Variants in RUFY1 observed in about 807,000 individuals in gnomAD.
RUFY1 encodes the protein RUN and FYVE domain-containing protein 1.
A neutral mutation model predicts 94.6 loss-of-function variants in RUFY1; 54 were observed. The ratio of observed to expected loss-of-function variants is 0.57; its 90% CI spans 0.46 to 0.72. The LOEUF (loss-of-function observed/expected upper bound fraction) is 0.72, where lower values mean the gene tolerates loss of function less well. Among genes scored for constraint, RUFY1 ranks in the 30% least tolerant of loss-of-function variants. The pLI is 0.00. For synonymous variants in RUFY1, 396 were observed against 347.3 expected, an observed-to-expected ratio of 1.14 and a Z score of -1.56; for missense variants, 883 against 883.9, an observed-to-expected ratio of 1.00 and a Z score of 0.01.
chr5:179,563,503 A>T (rs1479437442), intron 3 of RUFY1, among the ~76,000 whole-genome samples: 2 of 152,206 alleles, frequency 1.3e-5, no homozygotes, highest in African/African-American at 4.8e-5. Flanking sequence ...AAGAGGACAC[A>T]GGTCTGTTAT....
At chr5:179,598,453 C>G (rs545721198) in intron 13 of RUFY1, 2 of 557,492 alleles carry the variant, frequency 3.6e-6, no homozygotes, top group African/African-American at 1.9e-5. Flanking sequence ...TTCTAGAGCT[C>G]TCTTCCTTCT....
intron 6 of RUFY1, among the ~76,000 whole-genome samples, chr5:179,580,546 T>A (rs887294298): frequency 1.5e-5 from 2 of 135,512 alleles, no homozygotes; most frequent in African/African-American, 5.3e-5. Flanking sequence ...CTGGCCAGTT[T>A]TTTTTGTTTT....
Position 179,572,690 on chromosome 5 carries a change from G to A in RUFY1, c.828+3265G>A, listed in dbSNP as rs557027795. ...TCCCACTGGCTGGAAGCCTGGTAGC[G>A]ACAATGAAGCCCAATGTGGATGACA... is the stretch of plus-strand genomic sequence containing the variant. On this transcript the variant is annotated intron_variant, in intron 5 of 17. Transcript: ENST00000319449. The A allele has an allele frequency of 7.0e-5, 12 of 171,708 alleles. No homozygotes were observed. In the South Asian group the frequency reaches 1.3e-3, roughly 19 times the overall value. 10.6% of individuals were successfully genotyped at this position (171,708 alleles called of 1,614,324 possible). A position where few individuals can be genotyped will look rare whatever the true frequency, so the allele number is the denominator to read the frequency against.
At chr5:179,577,312 C>T (rs1264931165) in intron 6 of RUFY1, among the ~76,000 whole-genome samples, 176 bp downstream of exon 6, 1 of 151,278 alleles carries the variant, frequency 6.6e-6, no homozygotes, top group Non-Finnish European at 1.5e-5. Context: ...GCTGGGACTA[C>T]AGGTGCGCCC....
At chr5:179,605,798 C>T in intron 15 of RUFY1, 78 bp from the exon 16 acceptor site, 1 of 959,288 alleles carries the variant, frequency 1.0e-6, no homozygotes, top group South Asian at 1.3e-5. Flanking sequence ...CAAAGCTAGT[C>T]CTGAGAGCCA....
intron 3 of RUFY1, among the ~76,000 whole-genome samples, chr5:179,563,673 T>C (rs1762610001): frequency 6.6e-6 from 1 of 152,190 alleles, no homozygotes; most frequent in Non-Finnish European, 1.5e-5. Flanking sequence ...AATGTTTATT[T>C]CATGACCTTT....
chr5:179,570,033 T>C (rs970993596), intron 5 of RUFY1, among the ~76,000 whole-genome samples: 1 of 147,868 alleles, frequency 6.8e-6, no homozygotes, highest in Non-Finnish European at 1.5e-5. Flanking sequence ...CGTGAGCCAC[T>C]GCGCCCGGCC....
rs1190116901 is a variant in RUFY1, at chr5:179,598,745, A to G, written c.1685A>G (p.Gln562Arg). 1 of 1,614,020 alleles carries G rather than the reference A, an allele frequency of 6.2e-7. No individual in the cohort carries two copies. Among genetic ancestry groups the G allele is most frequent in the African/African-American group, 1.3e-5 (1 of 74,938 alleles). ...KSEKEQRQAL[Q>R]RELQHEKDTS... ...GAAAAAGAGCAAAGACAGGCTCTTC[A>G]GCGCGAATTACAGCACGAGAAAGAC... The change falls in exon 14 of 18, where the codon CAG (glutamine) becomes CGG (arginine). Residue 562 changes from glutamine to arginine, a missense_variant. Coordinates refer to ENST00000319449, the MANE Select transcript of RUFY1 (RefSeq NM_025158.5).
At position 179,594,941 on chromosome 5, in the gene RUFY1, A is replaced by G. The variant is rs768342496; in HGVS notation, c.1489A>G (p.Ser497Gly). Reference sequence around the variant, plus strand: ...AGGAAAAACCAACCAAGTTATGTCCAGCATGAAACAAATGGAAGAAAGGTA... The same window carrying G: ...AGGAAAAACCAACCAAGTTATGTCCGGCATGAAACAAATGGAAGAAAGGTA... The part of the protein sequence containing the change: ...FEGKTNQVMS[S>G]MKQMEERLQH... The change falls in exon 12 of 18, where the codon AGC becomes GGC. Residue 497 changes from serine to glycine, a missense_variant. Ser to Gly is a moderately conservative substitution (Grantham distance 56). Transcript: ENST00000319449. The G allele has an allele frequency of 6.2e-7, 1 of 1,611,622 alleles. No homozygotes were observed. The highest frequency in any genetic ancestry group is 1.7e-5 in the Admixed American group (1 of 59,974).
chr5:179,581,615 C>G (rs1168012493), intron 7 of RUFY1, among the ~76,000 whole-genome samples: 3 of 151,898 alleles, frequency 2.0e-5, no homozygotes, highest in Admixed American at 6.6e-5. Flanking sequence ...CCCCAAAAGC[C>G]AGGTGAAGAA....
rs1056641369 is a variant in RUFY1 at position 179,608,816 on chromosome 5, A to C, written c.1984-560A>C. ...CACGGTGGCAGGCACTTGTAATCCCAGCTACTTGGGAGGCTGAGGCAGGAG... is the reference window on the plus strand; with the variant it reads ...CACGGTGGCAGGCACTTGTAATCCCCGCTACTTGGGAGGCTGAGGCAGGAG... On this transcript the variant is annotated intron_variant, in intron 17 of 17. Transcript: ENST00000319449. 3.3e-5 allele frequency among the ~76,000 whole-genome samples: 5 copies of C among 151,666 alleles called. No homozygotes were observed. In the South Asian group the frequency reaches 6.2e-4, roughly 19 times the overall value.
intron 5 of RUFY1, chr5:179,572,139 C>T (rs893313177): frequency 7.2e-5 from 19 of 265,242 alleles, no homozygotes; most frequent in African/African-American, 2.3e-4. Context: ...CAGCCTTTAC[C>T]GCCACAGCTT....
chr5:179,587,348 C>A (rs989977986), intron 8 of RUFY1, among the ~76,000 whole-genome samples: 1 of 150,766 alleles, frequency 6.6e-6, no homozygotes, highest in Non-Finnish European at 1.5e-5. Flanking sequence ...GTCACTGAGC[C>A]CAGCTTCGGT....
intron 6 of RUFY1, among the ~76,000 whole-genome samples, chr5:179,580,324 G>C (rs1443419954): frequency 6.7e-6 from 1 of 150,152 alleles, no homozygotes; most frequent in Non-Finnish European, 1.5e-5. Context: ...CTCACTGCAA[G>C]CTCCGCCTCC....
At chr5:179,594,180 T>C (rs188908009) in intron 11 of RUFY1, among the ~76,000 whole-genome samples, 2 of 151,946 alleles carry the variant, frequency 1.3e-5, no homozygotes, top group African/African-American at 4.8e-5. Context: ...TGCACGCCTC[T>C]AATCCCAGAT....
chr5:179,597,261 A>C (rs1345160147), intron 13 of RUFY1, among the ~76,000 whole-genome samples: 4 of 151,200 alleles, frequency 2.6e-5, no homozygotes, highest in African/African-American at 9.7e-5. Context: ...TTTGAGACCG[A>C]GTCTCACTCT....
chr5:179,606,687 C>A (rs978618383), intron 16 of RUFY1: 22 of 152,490 alleles, frequency 1.4e-4, no homozygotes, highest in Admixed American at 7.2e-4. Context: ...GCCGGGACTT[C>A]TAGGTAATAT....
chr5:179,609,234 T>G, intron 17 of RUFY1, 142 bp from the exon 18 acceptor site: 1 of 730,330 alleles, frequency 1.4e-6, no homozygotes, highest in Non-Finnish European at 2.1e-6. Flanking sequence ...AAGACCCTTG[T>G]TTGCACACAG....
At chr5:179,595,260 A>G (rs1439017144) in intron 12 of RUFY1, among the ~76,000 whole-genome samples, 1 of 152,186 alleles carries the variant, frequency 6.6e-6, no homozygotes, top group Admixed American at 6.6e-5. Context: ...CGGGCGGATC[A>G]CGAGGTCAGG....
Sources: allele counts gnomAD v4.1 joint callset (sites outside exome capture counted in the v4.1 genomes callset), GRCh38; gene constraint gnomAD v4.1.1; transcripts MANE v1.5; gene names NCBI Gene and HGNC (gene_info 2026-07-23, HGNC 2026-07-21).